The following MYO18B variants were observed in gnomAD, a reference collection of about 807,000 sequenced individuals.
MYO18B encodes the protein myosin XVIIIB, also known as unconventional myosin-XVIIIb.
Under a neutral mutation model 273.0 loss-of-function variants are expected in MYO18B, and 204 were observed. The ratio of observed to expected loss-of-function variants is 0.75; its 90% CI spans 0.67 to 0.84. The LOEUF (loss-of-function observed/expected upper bound fraction) is 0.84. MYO18B is among the 40% of genes least tolerant of loss of function. The probability of loss-of-function intolerance (pLI) is 0.00; values close to 1 mark genes in which losing one functional copy is unlikely to be tolerated. For synonymous variants in MYO18B, 1,330 were observed against 1,305.7 expected, an observed-to-expected ratio of 1.02 and a Z score of -0.40; for missense variants, 3,212 against 3,287.6, an observed-to-expected ratio of 0.98 and a Z score of 0.56.
rs1217676244 is a variant in MYO18B at position 26,026,742 on chromosome 22, G to A, written c.6768G>A (p.Gly2256=). The A allele has an allele frequency of 6.2e-7, 1 of 1,613,080 alleles. No homozygotes were observed. Among genetic ancestry groups the A allele is most frequent in the Non-Finnish European group, 8.5e-7 (1 of 1,179,592 alleles). Residue 2256 remains glycine, a synonymous_variant, in exon 43 of 44, where the codon GGG becomes GGA. Transcript: ENST00000335473. Reference sequence around the variant, plus strand: ...CGGCCCTCTCGGAGTTCGTGGAAGGGCTCCGGAGGAAGAGAGCCCAGAGAG... The same window carrying A: ...CGGCCCTCTCGGAGTTCGTGGAAGGACTCCGGAGGAAGAGAGCCCAGAGAG... ...PSAALSEFVE[G]LRRKRAQRGQ...
At chr22:25,838,037 C>T (rs1206027133) in intron 17 of MYO18B, among the ~76,000 whole-genome samples, 3 of 152,000 alleles carry the variant, frequency 2.0e-5, no homozygotes, top group African/African-American at 4.8e-5. Context: ...CCTCACCCTA[C>T]GATGTGCCCA....
rs536818271 is a variant in MYO18B at position 25,828,131 on chromosome 22, T to G, written c.2787-645T>G. On this transcript the variant is annotated intron_variant, in intron 14 of 43. Coordinates refer to ENST00000335473, the MANE Select transcript of MYO18B (RefSeq NM_032608.7). ...ACTTTGCTTTCACAGCCATGGAAGC[T>G]TATCACACCCAACCCTCACAACAGC... Among the ~76,000 whole-genome samples, 3 of 152,288 alleles carry G rather than the reference T, an allele frequency of 2.0e-5. No individual in the cohort carries two copies. The South Asian group carries it at 6.2e-4, about 32-fold the overall frequency.
intron 34 of MYO18B, among the ~76,000 whole-genome samples, chr22:25,926,146 A>T (rs567361758): frequency 6.6e-6 from 1 of 151,826 alleles, no homozygotes; most frequent in African/African-American, 2.4e-5. Flanking sequence ...TGGAGCTTGC[A>T]GTGAGCCGAG....
chr22:25,758,103 T>C (rs1209133414), intron 1 of MYO18B, among the ~76,000 whole-genome samples: 1 of 152,132 alleles, frequency 6.6e-6, no homozygotes, highest in African/African-American at 2.4e-5. Context: ...AACCTCCGCC[T>C]CCCGGATTCA....
In MYO18B at chr22:25,851,650, G is replaced by C. The variant is rs555258482; in HGVS notation, c.3885+71G>C. ...ATGTTGGTTATTGGACATGTTCCAA[G>C]GCTGGGCACGGTGAGTGGCTCATGC... On this transcript the variant is annotated intron_variant, in intron 21 of 43. Transcript: ENST00000335473. 1,635 of 1,145,608 alleles carry C rather than the reference G, an allele frequency of 1.4e-3. 26 individuals are homozygous for C. In the South Asian group the frequency reaches 0.021, roughly 14 times the overall value. 71.0% of individuals were successfully genotyped at this position (1,145,608 alleles called of 1,614,324 possible).
rs973535448 is a variant in MYO18B at position 25,761,219 on chromosome 22, T to C, written c.39+88T>C. Reference sequence around the variant, plus strand: ...CAAGTCCGACCTTTCCCACCTTGAGTGGGGAGTCTGACATCCAGCCCTCCT... The same window carrying C: ...CAAGTCCGACCTTTCCCACCTTGAGCGGGGAGTCTGACATCCAGCCCTCCT... On this transcript the variant is annotated intron_variant, in intron 2 of 43. Transcript: ENST00000335473. The C allele has an allele frequency of 3.5e-6, 5 of 1,445,190 alleles. No homozygotes were observed. In the African/African-American group the frequency reaches 4.2e-5, roughly 12 times the overall value. 89.5% of individuals were successfully genotyped at this position (1,445,190 alleles called of 1,614,324 possible).
chr22:25,806,335 C>T (rs1054109500), intron 12 of MYO18B, among the ~76,000 whole-genome samples: 2 of 152,192 alleles, frequency 1.3e-5, no homozygotes, highest in Non-Finnish European at 2.9e-5. Flanking sequence ...CACCTCCCAT[C>T]ACAGGACAGG....
rs149771255 is a variant in MYO18B, at chr22:25,962,175, G to A, written c.6156+6811G>A. 4.7e-3 allele frequency among the ~76,000 whole-genome samples: 719 copies of A among 152,232 alleles called. 8 individuals are homozygous for A. The highest frequency in any genetic ancestry group is 0.02 in the South Asian group (97 of 4,808). On this transcript the variant is annotated intron_variant, in intron 39 of 43. Coordinates refer to ENST00000335473, the MANE Select transcript of MYO18B (RefSeq NM_032608.7). ...GTGCCATGTTACTCCTTGATTCACC[G>A]CCTTTATCCTCATGCATCCTGCTGC...
At chr22:25,748,802 T>G (rs2085855916) in intron 1 of MYO18B, among the ~76,000 whole-genome samples, 1 of 152,232 alleles carries the variant, frequency 6.6e-6, no homozygotes, top group Non-Finnish European at 1.5e-5. Flanking sequence ...ACGGTCTGAA[T>G]CCCTGGCTAT....
chr22:25,909,073 T>C (rs2092105384), intron 32 of MYO18B, among the ~76,000 whole-genome samples: 1 of 152,216 alleles, frequency 6.6e-6, no homozygotes, highest in African/African-American at 2.4e-5. Context: ...ACCCAAAGCT[T>C]ATCCTCTAAC....
intron 42 of MYO18B, among the ~76,000 whole-genome samples, chr22:26,018,309 T>A (rs2146975962): frequency 6.6e-6 from 1 of 152,200 alleles, no homozygotes; most frequent in East Asian, 1.9e-4. Flanking sequence ...CTGACTCTAT[T>A]CCCCATGTCA....
chr22:25,764,351 C>T (rs1157337172), intron 3 of MYO18B, among the ~76,000 whole-genome samples: 1 of 152,198 alleles, frequency 6.6e-6, no homozygotes, highest in African/African-American at 2.4e-5. Context: ...GCTTGGAATG[C>T]AATGCATCTT....
At chr22:25,800,384 T>C (rs1225342599) in intron 12 of MYO18B, among the ~76,000 whole-genome samples, 1 of 152,230 alleles carries the variant, frequency 6.6e-6, no homozygotes, top group Non-Finnish European at 1.5e-5. Context: ...TCACCACTAC[T>C]TTGTTCAGGG....
chr22:26,027,553 C>G lies in MYO18B; in HGVS notation c.7579C>G (p.Arg2527Gly), dbSNP rs764465123. Residue 2527 changes from arginine to glycine, a missense_variant, in exon 43 of 44, where the codon CGA becomes GGA. By Grantham distance (125) the Arg-to-Gly change is moderately radical (BLOSUM62 -2). Transcript: ENST00000335473. This position sits in a 1 kb window ranked among gnomAD's most constrained non-coding sequence, Gnocchi z 4.1. The part of the protein sequence containing the change: ...SFKSADSIKS[R>G]PGIPRLAGDG... The stretch of plus-strand genomic sequence containing the variant: ...CAAAAGTGCTGACAGCATCAAAAGT[C>G]GACCAGGAATCCCACGACTTGCGGG... 2 of 1,614,002 alleles carry G rather than the reference C, an allele frequency of 1.2e-6. No individual in the cohort carries two copies. Among genetic ancestry groups the G allele is most frequent in the East Asian group, 4.5e-5 (2 of 44,880 alleles).
the MYO18B span, among the ~76,000 whole-genome samples, chr22:26,062,878 C>T: frequency 5.9e-5 from 9 of 152,200 alleles, no homozygotes; most frequent in Middle Eastern, 3.4e-3. Flanking sequence ...AGGGCTTGAA[C>T]GGGAGAAGAC....
intron 21 of MYO18B, among the ~76,000 whole-genome samples, chr22:25,853,336 C>G (rs2090477791): frequency 6.6e-6 from 1 of 152,232 alleles, no homozygotes; most frequent in African/African-American, 2.4e-5. Flanking sequence ...CTTAGTTCTT[C>G]TTTGCAGTGG....
At chr22:25,869,449 C>CAAAAAAAAAAAA (rs58609325) in intron 22 of MYO18B, among the ~76,000 whole-genome samples, 1 of 58,120 alleles carries the variant, frequency 1.7e-5, no homozygotes, top group African/African-American at 7.7e-5. Context: ...TACTGTGTCT[C>CAAAAAAAAAAAA]AAAAAAAAAA....
intron 10 of MYO18B, among the ~76,000 whole-genome samples, chr22:25,782,377 A>G (rs1286299405): frequency 1.3e-5 from 2 of 152,156 alleles, no homozygotes; most frequent in Non-Finnish European, 2.9e-5. Context: ...GGTGTATGGT[A>G]GGGTATGCCT....
intron 12 of MYO18B, among the ~76,000 whole-genome samples, chr22:25,805,248 C>T (rs2088415196): frequency 6.6e-6 from 1 of 152,172 alleles, no homozygotes. Context: ...AACTGAAGCT[C>T]CTCCAGGAGA....
Sources: gnomAD v4.1 joint callset for allele counts (sites outside exome capture counted in the v4.1 genomes callset) on GRCh38, gnomAD v4.1.1 for gene constraint, Gnocchi (gnomAD v3.1) non-coding constraint, MANE v1.5 for transcripts, NCBI Gene and HGNC (gene_info 2026-07-23, HGNC 2026-07-21) for gene names.